Variants in STAG2 observed in about 807,000 individuals in gnomAD.
STAG2 encodes cohesin subunit SA-2.
In STAG2, 14 loss-of-function variants were observed where a neutral mutation model predicts 108.1. That is an observed-to-expected ratio of 0.13 (90% confidence interval 0.09 to 0.20). The LOEUF is 0.20. STAG2 is among the 10% of genes least tolerant of loss of function. STAG2 has a pLI of 1.00. For missense variants in STAG2, 440 were observed against 940.9 expected, an observed-to-expected ratio of 0.47 and a Z score of 6.96; for synonymous variants, 307 against 302.7, an observed-to-expected ratio of 1.01 and a Z score of -0.15.
At chrX:124,055,953 T>G (rs1350016460) in intron 13 of STAG2, among the ~76,000 whole-genome samples, 175 bp from the exon 14 acceptor site, 4 of 110,801 alleles carry the variant, frequency 3.6e-5, no homozygotes, top group Non-Finnish European at 7.6e-5. Context: ...GCCATTTATC[T>G]TTGATAGATT....
rs768268896 is a variant in STAG2 at position 124,076,429 on chromosome X, G to A, written c.2631G>A (p.Val877=). The change falls in exon 26 of 35, where the codon GTG becomes GTA. Residue 877 remains valine, a synonymous_variant. Transcript: ENST00000371145. ...AFCKLIVYTV[V]EMNTAADIFK... is the part of the protein sequence containing the mutation. Reference sequence around the variant, plus strand: ...GTAAGCTAATTGTATATACTGTGGTGGAGATGAATACAGCTGCAGATATCT... The same window carrying A: ...GTAAGCTAATTGTATATACTGTGGTAGAGATGAATACAGCTGCAGATATCT... The A allele has an allele frequency of 4.3e-5, 52 of 1,200,887 alleles. No individual in the cohort carries two copies. The South Asian group carries it at 9.5e-4, about 22-fold the overall frequency.
At chrX:124,093,776 C>A in intron 32 of STAG2, 1 of 310,887 alleles carries the variant, frequency 3.2e-6, no homozygotes, top group Non-Finnish European at 5.5e-6. Context: ...TATGGGATAT[C>A]AGAACTATAA....
At chrX:123,990,658 G>C (rs780867385) in intron 1 of STAG2, among the ~76,000 whole-genome samples, 4 of 112,028 alleles carry the variant, frequency 3.6e-5, no homozygotes, top group Non-Finnish European at 7.5e-5. Context: ...AGTCATTATT[G>C]TAATGATGGA....
At chrX:124,004,703 G>A (rs966031550) in intron 1 of STAG2, among the ~76,000 whole-genome samples, 50 of 111,600 alleles carry the variant, frequency 4.5e-4, no homozygotes, top group Non-Finnish European at 5.5e-4. Context: ...TTTTGCTTTC[G>A]TGCATTCTAT....
chrX:123,982,419 AGTGGCACGATC>A (rs1483125585), intron 1 of STAG2, among the ~76,000 whole-genome samples: 2 of 111,525 alleles, frequency 1.8e-5, no homozygotes, highest in Non-Finnish European at 1.9e-5. Flanking sequence ...GCTGGAATGC[AGTGGCACGATC>A]GTGGCACGAT....
Position 124,025,934 on chromosome X carries a change from T to G in STAG2, c.123+16T>G. 1 of 1,096,612 alleles carries G rather than the reference T, an allele frequency of 9.1e-7. No individual in the cohort carries two copies. The highest frequency in any genetic ancestry group is 1.2e-6 in the Non-Finnish European group (1 of 801,732). 90.4% of individuals were successfully genotyped at this position (1,096,612 alleles called of 1,213,427 possible). A position where few individuals can be genotyped will look rare whatever the true frequency, so the allele number is the denominator to read the frequency against. ...CAAAGGCAAAGTATGTATCAAATATTTGACTTTATTTTGTTTCCTAAGATC... is the reference window on the plus strand; with the variant it reads ...CAAAGGCAAAGTATGTATCAAATATGTGACTTTATTTTGTTTCCTAAGATC... On this transcript the variant is annotated intron_variant, in intron 4 of 34. Transcript: ENST00000371145.
In STAG2 at chrX:124,090,707, G is replaced by A. The variant is rs2059236431; in HGVS notation, c.3410G>A (p.Ser1137Asn). The change falls in exon 31 of 35, where the codon AGC becomes AAC. Residue 1137 changes from serine to asparagine, a missense_variant. By Grantham distance (46) the Ser-to-Asn change is conservative (BLOSUM62 1). Around this residue, in one of 3 missense-constraint regions of STAG2, gnomAD observed 337 missense variants for 649.3 expected, o/e 0.52. Coordinates refer to ENST00000371145, the MANE Select transcript of STAG2 (RefSeq NM_001042750.2). ...CCCAAAAGATTACGGCCTGAGGATA[G>A]CTTCATGAGTGTTTATCCAATGCAG... ...REPKRLRPED[S>N]FMSVYPMQTE... 9 of 1,211,672 alleles carry A rather than the reference G, an allele frequency of 7.4e-6. No individual in the cohort carries two copies. Among genetic ancestry groups the A allele is most frequent in the Non-Finnish European group, 1.0e-5 (9 of 895,427 alleles).
At chrX:124,071,913 T>C (rs1270961710) in intron 25 of STAG2, among the ~76,000 whole-genome samples, 1 of 111,857 alleles carries the variant, frequency 8.9e-6, no homozygotes, top group Non-Finnish European at 1.9e-5. Flanking sequence ...CCTAATTGTT[T>C]ACACACCCTA....
rs1425009806 is a variant in STAG2, at chrX:124,000,557, T to C, written c.-162-20810T>C. Among the ~76,000 whole-genome samples the C allele has an allele frequency of 7.2e-5, 8 of 110,674 alleles. No individual in the cohort carries two copies. In the East Asian group the frequency reaches 2.3e-3, roughly 31 times the overall value. On this transcript the variant is annotated intron_variant, in intron 1 of 34. Coordinates refer to ENST00000371145, the MANE Select transcript of STAG2 (RefSeq NM_001042750.2). Reference sequence around the variant, plus strand: ...CAGACATGGTGGTGCATGCCTGTAGTCTCAGCTACTTGAGAGGCTGAGGCA... The same window carrying C: ...CAGACATGGTGGTGCATGCCTGTAGCCTCAGCTACTTGAGAGGCTGAGGCA...
intron 32 of STAG2, 137 bp from the exon 33 acceptor site, chrX:124,093,881 A>G (rs1207337740): frequency 2.2e-5 from 14 of 639,881 alleles, no homozygotes; most frequent in Non-Finnish European, 3.3e-5. Context: ...TGACATAATC[A>G]ATGCCTAATC....
Position 124,062,959 on chromosome X carries a change from C to G in STAG2, c.1696C>G (p.Leu566Val). ...QLDDRTKITELFAVALPQLLA... is the reference protein window; with the variant it reads ...QLDDRTKITEVFAVALPQLLA... ...GGATGATAGGACAAAAATCACTGAG[C>G]TTTTTGCCGTGGCCCTTCCTCAGTT... is the stretch of plus-strand genomic sequence containing the variant. Residue 566 changes from leucine to valine, a missense_variant, in exon 18 of 35, where the codon CTT (leucine) becomes GTT (valine). Transcript: ENST00000371145. 1.7e-6 allele frequency: 2 copies of G among 1,211,207 alleles called. No individual in the cohort carries two copies. Among genetic ancestry groups the G allele is most frequent in the African/African-American group, 1.7e-5 (1 of 57,804 alleles).
At chrX:124,061,743 CTTTT>C (rs36097834) in intron 16 of STAG2, 24 bp from the exon 17 acceptor site, 4,802 of 465,063 alleles carry the variant, frequency 0.01, no homozygotes, top group East Asian at 0.017. Context: ...CTCTTTCTGA[CTTTT>C]TTTTTTTTTT....
At chrX:124,071,429 C>A in intron 25 of STAG2, 106 bp downstream of exon 25, 1 of 628,048 alleles carries the variant, frequency 1.6e-6, no homozygotes. Flanking sequence ...TCCTTAAAAA[C>A]GTGAAACACA....
intron 1 of STAG2, among the ~76,000 whole-genome samples, chrX:123,986,962 C>T (rs1201837594): frequency 3.7e-5 from 4 of 109,455 alleles, no homozygotes; most frequent in Admixed American, 2.0e-4. Flanking sequence ...TGGAGGTGTG[C>T]GCCACCATGT....
chrX:124,040,238 G>GTGGAA (rs2057665434), intron 6 of STAG2, among the ~76,000 whole-genome samples: 1 of 111,598 alleles, frequency 9.0e-6, no homozygotes, highest in Admixed American at 9.5e-5. Context: ...TTCTGTAGCT[G>GTGGAA]TTGAAGCATG....
intron 34 of STAG2, among the ~76,000 whole-genome samples, chrX:124,097,224 G>T (rs1460847346): frequency 1.9e-5 from 2 of 104,860 alleles, no homozygotes; most frequent in Non-Finnish European, 3.9e-5. Flanking sequence ...GCTTCAATTG[G>T]TCTTAAGTGT....
At chrX:123,997,753 G>A (rs143539673) in intron 1 of STAG2, among the ~76,000 whole-genome samples, 1,516 of 111,448 alleles carry the variant, frequency 0.014, 31 homozygotes, top group African/African-American at 0.047. Flanking sequence ...TGATTCTCTC[G>A]CCTCGGCCTC....
intron 15 of STAG2, among the ~76,000 whole-genome samples, chrX:124,058,412 A>T (rs1416246803): frequency 8.9e-6 from 1 of 111,972 alleles, no homozygotes; most frequent in African/African-American, 3.2e-5. Context: ...GGCCTCCCAA[A>T]GTGTTGGGAT....
At chrX:124,090,554 G>A (rs374196652) in intron 30 of STAG2, 21 bp from the exon 31 acceptor site, 132 of 1,187,886 alleles carry the variant, frequency 1.1e-4, no homozygotes, top group Middle Eastern at 4.7e-4. Flanking sequence ...ACTAAACCTC[G>A]TCGTTAATTT....
Sources: allele counts gnomAD v4.1 joint callset (sites outside exome capture counted in the v4.1 genomes callset), GRCh38; gene constraint gnomAD v4.1.1; regional missense constraint gnomAD v4.1.1; transcripts MANE v1.5; gene names NCBI Gene and HGNC (gene_info 2026-07-23, HGNC 2026-07-21).